Variants in ARHGAP5 observed in about 807,000 individuals in gnomAD.
ARHGAP5 encodes the protein Rho GTPase activating protein 5, also known as rho GTPase-activating protein 5.
A neutral mutation model predicts 116.6 loss-of-function variants in ARHGAP5; 23 were observed. The ratio of observed to expected loss-of-function variants is 0.20; its 90% CI spans 0.14 to 0.28. The LOEUF is 0.28. Among genes scored for constraint, ARHGAP5 ranks in the 10% least tolerant of loss-of-function variants. ARHGAP5 has a pLI of 1.00. For missense variants in ARHGAP5, 1,405 were observed against 1,774.8 expected (o/e 0.79, Z 3.74); for synonymous variants, 574 against 602.0 (o/e 0.95, Z 0.68).
chr14:32,116,104 G>A (rs1204179414), intron 2 of ARHGAP5, among the ~76,000 whole-genome samples: 1 of 150,248 alleles, frequency 6.7e-6, no homozygotes, highest in African/African-American at 2.5e-5. Context: ...TGGCTGATAC[G>A]GTGAAACCCC....
rs867431769 is a variant in ARHGAP5 at position 32,092,353 on chromosome 14, A to G, written c.1684A>G (p.Asn562Asp). The G allele has an allele frequency of 1.2e-6, 2 of 1,613,642 alleles. No individual in the cohort carries two copies. The highest frequency in any genetic ancestry group is 2.7e-5 in the African/African-American group (2 of 74,920). The change falls in exon 2 of 7, where the codon AAT (asparagine) becomes GAT (aspartate). Residue 562 changes from asparagine (N) to aspartate (D), a missense_variant. Asn to Asp is a conservative substitution (Grantham distance 23). This residue lies in a region of ARHGAP5 where 944 missense variants were observed against 1,095.3 expected (regional missense o/e 0.86). Transcript: ENST00000345122. The surrounding 1 kb of genome is among the most constrained non-coding windows in gnomAD (Gnocchi z 4.1). ...TAAAGAAACATGTCTTAGTGGCCAA[A>G]ATTGTACAGACATTAAAGTGGAGCA... is the stretch of plus-strand genomic sequence containing the variant. ...PTKETCLSGQ[N>D]CTDIKVEQLL... is the part of the protein sequence containing the mutation.
intron 3 of ARHGAP5, among the ~76,000 whole-genome samples, chr14:32,135,097 T>G (rs544180421): frequency 4.9e-4 from 74 of 152,328 alleles, no homozygotes; most frequent in African/African-American, 1.7e-3. Context: ...AGACTCAGTA[T>G]ATAGCATTTA....
chr14:32,124,771 G>A (rs1594373862), intron 3 of ARHGAP5, among the ~76,000 whole-genome samples: 1 of 152,152 alleles, frequency 6.6e-6, no homozygotes, highest in East Asian at 1.9e-4. Flanking sequence ...ATGGATCTCT[G>A]GAAAGTGGTT....
chr14:32,105,317 C>T (rs1010052647), intron 2 of ARHGAP5, among the ~76,000 whole-genome samples: 1 of 152,082 alleles, frequency 6.6e-6, no homozygotes, highest in African/African-American at 2.4e-5. Flanking sequence ...TTATCATACT[C>T]GACTGTTTAT....
At chr14:32,090,434 C>T (rs1208141340) in intron 1 of ARHGAP5, 68 bp from the exon 2 acceptor site, 2 of 465,996 alleles carry the variant, frequency 4.3e-6, no homozygotes, top group Non-Finnish European at 7.5e-6. Context: ...TTGTTGTAAA[C>T]ATCTTTATTG....
intron 4 of ARHGAP5, among the ~76,000 whole-genome samples, chr14:32,147,879 A>G (rs1287005013): frequency 1.3e-5 from 2 of 152,184 alleles, no homozygotes; most frequent in Non-Finnish European, 2.9e-5. Context: ...TTGGCCAGTC[A>G]CAGTGGCTCA....
At chr14:32,112,993 A>G (rs1594363625) in intron 2 of ARHGAP5, among the ~76,000 whole-genome samples, 1 of 152,348 alleles carries the variant, frequency 6.6e-6, no homozygotes, top group East Asian at 1.9e-4. Context: ...ATAAAATACC[A>G]TGCTACTAAT....
chr14:32,091,346 A>G lies in ARHGAP5; in HGVS notation c.677A>G (p.Glu226Gly). Residue 226 changes from glutamate (E) to glycine (G), a missense_variant, in exon 2 of 7, where the codon GAA becomes GGA. This residue lies in a region of ARHGAP5 where 190 missense variants were observed against 314.9 expected (regional missense o/e 0.60). Transcript: ENST00000345122. ...ASNKKNLLVV[E>G]TSARFNVNIE... ...AATAAAAAGAACCTTCTTGTAGTGG[A>G]AACATCAGCACGATTTAATGTCAAC... 1 of 1,613,390 alleles carries G rather than the reference A, an allele frequency of 6.2e-7. No homozygotes were observed. Among genetic ancestry groups the G allele is most frequent in the Non-Finnish European group, 8.5e-7 (1 of 1,179,598 alleles).
At chr14:32,100,565 A>G (rs1168843328) in intron 2 of ARHGAP5, among the ~76,000 whole-genome samples, 2 of 152,200 alleles carry the variant, frequency 1.3e-5, no homozygotes, top group Non-Finnish European at 2.9e-5. Context: ...TTAGGTTATT[A>G]TAAGTAATGT....
chr14:32,134,091 G>A (rs527684580), intron 3 of ARHGAP5, among the ~76,000 whole-genome samples: 114 of 152,188 alleles, frequency 7.5e-4, no homozygotes, highest in Non-Finnish European at 1.2e-3. Flanking sequence ...CTGGCAAACC[G>A]AATCCAGCAG....
intron 1 of ARHGAP5, among the ~76,000 whole-genome samples, chr14:32,085,777 A>C (rs1242996705): frequency 6.6e-6 from 1 of 152,166 alleles, no homozygotes; most frequent in Non-Finnish European, 1.5e-5. Context: ...ATTTTACTAA[A>C]GTCTTTAAAC....
intron 1 of ARHGAP5, among the ~76,000 whole-genome samples, chr14:32,082,944 T>C (rs1248867303): frequency 1.3e-5 from 2 of 152,274 alleles, no homozygotes; most frequent in Non-Finnish European, 2.9e-5. Flanking sequence ...TCTAGACTAA[T>C]CTGTAGTGGC....
At chr14:32,126,367 G>A (rs1880153510) in intron 3 of ARHGAP5, among the ~76,000 whole-genome samples, 1 of 152,142 alleles carries the variant, frequency 6.6e-6, no homozygotes, top group Admixed American at 6.5e-5. Flanking sequence ...GGTGGTGGCT[G>A]TCAATCCCTG....
chr14:32,127,626 C>T (rs1321449503), intron 3 of ARHGAP5, among the ~76,000 whole-genome samples: 1 of 152,238 alleles, frequency 6.6e-6, no homozygotes, highest in Non-Finnish European at 1.5e-5. Flanking sequence ...CCCACATTTC[C>T]CCCTTTTCTA....
At chr14:32,132,244 C>G (rs547722961) in intron 3 of ARHGAP5, among the ~76,000 whole-genome samples, 1 of 152,306 alleles carries the variant, frequency 6.6e-6, no homozygotes, top group African/African-American at 2.4e-5. Context: ...TCTCCAGCAC[C>G]TGTTGTTTCC....
chr14:32,113,196 T>C (rs1879395722), intron 2 of ARHGAP5, among the ~76,000 whole-genome samples: 1 of 152,218 alleles, frequency 6.6e-6, no homozygotes, highest in Non-Finnish European at 1.5e-5. Context: ...TCACATGTTT[T>C]AAAAGAGCAC....
intron 3 of ARHGAP5, among the ~76,000 whole-genome samples, chr14:32,136,054 G>A (rs1214382165): frequency 6.6e-6 from 1 of 152,008 alleles, no homozygotes; most frequent in East Asian, 1.9e-4. Context: ...TGGGAGCTAG[G>A]TTCAATAAGT....
In ARHGAP5 at chr14:32,093,883, A is replaced by G. The variant is rs761262504; in HGVS notation, c.3214A>G (p.Lys1072Glu). The change falls in exon 2 of 7, where the codon AAG (lysine) becomes GAG (glutamate). Residue 1072 changes from lysine to glutamate, a missense_variant. This residue lies in a region of ARHGAP5 where 944 missense variants were observed against 1,095.3 expected (regional missense o/e 0.86). Coordinates refer to ENST00000345122, the MANE Select transcript of ARHGAP5 (RefSeq NM_001030055.2). ...AGCTGGTATTGGTAAAAATCCAAGA[A>G]AGCAGACTTCCCGGGTGCCTTTGGC... ...IEAGIGKNPRKQTSRVPLAHP... is the reference protein window; with the variant it reads ...IEAGIGKNPREQTSRVPLAHP... 3.7e-6 allele frequency: 6 copies of G among 1,613,976 alleles called. No homozygotes were observed. The South Asian group carries it at 6.6e-5, about 18-fold the overall frequency.
chr14:32,091,791 C>T lies in ARHGAP5; in HGVS notation c.1122C>T (p.Phe374=), dbSNP rs1164856892. 6.2e-7 allele frequency: 1 copy of T among 1,613,552 alleles called. No individual in the cohort carries two copies. Among genetic ancestry groups the T allele is most frequent in the South Asian group, 1.1e-5 (1 of 91,058 alleles). ...ALKLMEKRAD[F]QLCFVVLEKT... ...AGTTAATGGAAAAGAGAGCAGATTT[C>T]CAGTTATGTTTTGTGGTGCTAGAAA... The change falls in exon 2 of 7, where the codon TTC becomes TTT. Residue 374 remains phenylalanine (F), a synonymous_variant. Transcript: ENST00000345122.
Sources: allele counts gnomAD v4.1 joint callset (sites outside exome capture counted in the v4.1 genomes callset), GRCh38; gene constraint gnomAD v4.1.1; regional missense constraint gnomAD v4.1.1; non-coding constraint Gnocchi (gnomAD v3.1); transcripts MANE v1.5; gene names NCBI Gene and HGNC (gene_info 2026-07-23, HGNC 2026-07-21).